CHD6: variants seen among roughly 807,000 people sequenced by gnomAD.
CHD6 encodes chromodomain helicase DNA binding protein 6, also known as ATP-dependent chromatin remodeler CHD6.
CHD6 carries 50 observed loss-of-function variants against 276.9 expected under a neutral mutation model. That is an observed-to-expected ratio of 0.18 (90% CI 0.14 to 0.23). The LOEUF (loss-of-function observed/expected upper bound fraction) is 0.23, where lower values mean the gene tolerates loss of function less well. Among genes scored for constraint, CHD6 ranks in the 10% least tolerant of loss-of-function variants. The probability of loss-of-function intolerance (pLI) is 1.00; values close to 1 mark genes in which losing one functional copy is unlikely to be tolerated. For missense variants in CHD6, 2,564 were observed against 3,365.8 expected (o/e 0.76, Z 5.89); for synonymous variants, 1,173 against 1,229.3 (o/e 0.95, Z 0.96).
intron 31 of CHD6, among the ~76,000 whole-genome samples, chr20:41,418,038 G>A (rs1186723376): frequency 6.6e-6 from 1 of 152,218 alleles, no homozygotes; most frequent in Admixed American, 6.5e-5. Context: ...CTCTTTCTTG[G>A]TTAAATGACA....
intron 1 of CHD6, among the ~76,000 whole-genome samples, chr20:41,618,011 C>G (rs2045952115): frequency 6.8e-6 from 1 of 147,040 alleles, no homozygotes; most frequent in Admixed American, 6.7e-5. Flanking sequence ...TGCCCGGACC[C>G]CCGCCCCTGC....
intron 1 of CHD6, among the ~76,000 whole-genome samples, chr20:41,579,720 C>A (rs1275676679): frequency 1.3e-5 from 2 of 152,060 alleles, no homozygotes. Context: ...TGTCTTGATA[C>A]CAAACTGAAC....
intron 27 of CHD6, among the ~76,000 whole-genome samples, chr20:41,434,528 G>A (rs575469588): frequency 5.4e-4 from 82 of 152,114 alleles, no homozygotes; most frequent in Non-Finnish European, 9.4e-4. Flanking sequence ...GCACCACCAC[G>A]CCTGGCTAAT....
rs1166526548 is a variant in CHD6 at position 41,415,372 on chromosome 20, G to T, written c.6753C>A (p.Ala2251=). The change falls in exon 34 of 37, where the codon GCC becomes GCA. Residue 2251 remains alanine (A), a synonymous_variant. Transcript: ENST00000373233. Reference sequence around the variant, plus strand: ...GAATCCCAGACAAGTCCATGCCAAGGGCTCCCTGAAGTGAACTGATAGCCC... The same window carrying T: ...GAATCCCAGACAAGTCCATGCCAAGTGCTCCCTGAAGTGAACTGATAGCCC... ...KIGAISSLQG[A]LGMDLSGILQ... 1 of 1,614,074 alleles carries T rather than the reference G, an allele frequency of 6.2e-7. No homozygotes were observed. The highest frequency in any genetic ancestry group is 1.7e-5 in the Admixed American group (1 of 60,004).
At chr20:41,462,188 A>C (rs1471224921) in intron 17 of CHD6, among the ~76,000 whole-genome samples, 1 of 152,194 alleles carries the variant, frequency 6.6e-6, no homozygotes, top group Non-Finnish European at 1.5e-5. Context: ...GGTCATACTG[A>C]TATTTTTAGT....
chr20:41,537,215 G>A (rs192150644), intron 2 of CHD6, among the ~76,000 whole-genome samples: 1 of 152,222 alleles, frequency 6.6e-6, no homozygotes, highest in Non-Finnish European at 1.5e-5. Context: ...ATATTATCAA[G>A]AAAGTACAGT....
chr20:41,562,267 T>C (rs2045309774), intron 1 of CHD6, among the ~76,000 whole-genome samples: 1 of 152,210 alleles, frequency 6.6e-6, no homozygotes, highest in South Asian at 2.1e-4. Context: ...CCTAAACTCA[T>C]GTCAACTAAC....
chr20:41,608,067 A>G (rs1276565172), intron 1 of CHD6, among the ~76,000 whole-genome samples: 1 of 152,188 alleles, frequency 6.6e-6, no homozygotes, highest in Non-Finnish European at 1.5e-5. Flanking sequence ...CATAGTAAGC[A>G]CTCAGTGATT....
At chr20:41,578,255 CA>C (rs905170664) in intron 1 of CHD6, among the ~76,000 whole-genome samples, 2 of 151,836 alleles carry the variant, frequency 1.3e-5, no homozygotes, top group Non-Finnish European at 2.9e-5. Context: ...TTAAAAATAA[CA>C]CATTCAAAAA....
Position 41,403,107 on chromosome 20 carries a change from G to T in CHD6, c.*1486C>A. The T allele has an allele frequency of 4.1e-6, 1 of 243,352 alleles. No homozygotes were observed. Among genetic ancestry groups the T allele is most frequent in the Non-Finnish European group, 7.6e-6 (1 of 131,604 alleles). 15.1% of individuals were successfully genotyped at this position (243,352 alleles called of 1,614,324 possible). A position where few individuals can be genotyped will look rare whatever the true frequency, so the allele number is the denominator to read the frequency against. On this transcript the variant is annotated 3_prime_UTR_variant, in exon 37 of 37. Coordinates refer to ENST00000373233, the MANE Select transcript of CHD6 (RefSeq NM_032221.5). ...GAAAAAAGCATCATAAATAAATAATGCAAAATGAAATAGTTATGTCAGACT... is the reference window on the plus strand; with the variant it reads ...GAAAAAAGCATCATAAATAAATAATTCAAAATGAAATAGTTATGTCAGACT...
At chr20:41,481,342 T>C (rs1008338286) in intron 16 of CHD6, among the ~76,000 whole-genome samples, 1 of 151,374 alleles carries the variant, frequency 6.6e-6, no homozygotes, top group African/African-American at 2.4e-5. Context: ...AAAACAACAC[T>C]GGGGAAAGTT....
At chr20:41,604,545 C>T (rs1033973231) in intron 1 of CHD6, among the ~76,000 whole-genome samples, 2 of 152,188 alleles carry the variant, frequency 1.3e-5, no homozygotes, top group Admixed American at 1.3e-4. Context: ...CTCATTAATA[C>T]TATCACAATT....
intron 1 of CHD6, among the ~76,000 whole-genome samples, chr20:41,617,618 T>C (rs113642496): frequency 2.0e-5 from 3 of 152,092 alleles, no homozygotes; most frequent in Non-Finnish European, 4.4e-5. Context: ...AGAGGACAGA[T>C]AGATCTTTTT....
Position 41,452,813 on chromosome 20 carries a change from G to A in CHD6, c.3250C>T (p.Arg1084Cys), listed in dbSNP as rs993826205. 6 of 1,613,370 alleles carry A rather than the reference G, an allele frequency of 3.7e-6. No homozygotes were observed. Among genetic ancestry groups the A allele is most frequent in the East Asian group, 2.2e-5 (1 of 44,844 alleles). Residue 1084 changes from arginine to cysteine, a missense_variant, in exon 21 of 37, where the codon CGC becomes TGC. Transcript: ENST00000373233. This position sits in a 1 kb window ranked among gnomAD's most constrained non-coding sequence, Gnocchi z 4.2. ...TAGCGCCTGGCTTTGTCATTGAGGC[G>A]CCTGGATCTCGTGGGCCTTTCGTCT... ...DSDERPTRSR[R>C]LNDKARRYLR...
intron 17 of CHD6, among the ~76,000 whole-genome samples, chr20:41,463,380 C>T (rs556114165): frequency 6.6e-6 from 1 of 152,138 alleles, no homozygotes; most frequent in East Asian, 1.9e-4. Flanking sequence ...AGGTACAGTT[C>T]CAATTTATTT....
chr20:41,512,771 G>C, intron 5 of CHD6, 75 bp downstream of exon 5: 1 of 1,546,604 alleles, frequency 6.5e-7, no homozygotes, highest in Non-Finnish European at 8.9e-7. Flanking sequence ...TTTAGCAAAG[G>C]CCAAGAAACA....
intron 14 of CHD6, chr20:41,485,922 GATAA>G (rs920561800): frequency 2.0e-5 from 3 of 151,812 alleles, no homozygotes; most frequent in East Asian, 1.9e-4. Flanking sequence ...TATTGTACGT[GATAA>G]ATACATATTT....
intron 2 of CHD6, among the ~76,000 whole-genome samples, chr20:41,549,203 T>C (rs1170094665): frequency 4.6e-5 from 7 of 152,034 alleles, no homozygotes; most frequent in East Asian, 1.9e-4. Flanking sequence ...CGTATGTTTA[T>C]TGTGGCACTA....
At position 41,452,757 on chromosome 20, in the gene CHD6, C is replaced by T; in HGVS notation, c.3306G>A (p.Lys1102=). 1 of 1,613,446 alleles carries T rather than the reference C, an allele frequency of 6.2e-7. No homozygotes were observed. The highest frequency in any genetic ancestry group is 8.5e-7 in the Non-Finnish European group (1 of 1,179,864). ...ATACCCACCCAAAGATGAGCAGGTT[C>T]TTCTCTACCCGGAAGCACTCCGCTC... ...YLRAECFRVE[K]NLLIFGWGRW... Residue 1102 remains lysine, a synonymous_variant, in exon 21 of 37, where the codon AAG becomes AAA. Transcript: ENST00000373233. This position sits in a 1 kb window ranked among gnomAD's most constrained non-coding sequence, Gnocchi z 4.2.
Sources: allele counts gnomAD v4.1 joint callset (sites outside exome capture counted in the v4.1 genomes callset), GRCh38; gene constraint gnomAD v4.1.1; non-coding constraint Gnocchi (gnomAD v3.1); transcripts MANE v1.5; gene names NCBI Gene and HGNC (gene_info 2026-07-23, HGNC 2026-07-21).